The following NIPSNAP2 variants were observed in gnomAD, a reference collection of about 807,000 sequenced individuals.
NIPSNAP2 encodes the protein protein NipSnap homolog 2.
NIPSNAP2 carries 42 observed loss-of-function variants against 48.4 expected under a neutral mutation model. The ratio of observed to expected loss-of-function variants is 0.87; its 90% confidence interval spans 0.68 to 1.12. The LOEUF (loss-of-function observed/expected upper bound fraction) is 1.12. Among genes scored for constraint, NIPSNAP2 ranks in the 50% most tolerant of loss-of-function variants. The pLI is 0.00. For synonymous variants in NIPSNAP2, 158 were observed against 126.6 expected (o/e 1.25, Z -1.67); for missense variants, 314 against 347.3 (o/e 0.90, Z 0.76).
chr7:55,964,766 T>A, intron 1 of NIPSNAP2, 65 bp downstream of exon 1: 1 of 857,604 alleles, frequency 1.2e-6, no homozygotes, highest in Non-Finnish European at 1.5e-6. Flanking sequence ...AGGGCGCGGG[T>A]TTCCCGGCGC....
At chr7:55,989,430 G>A (rs1251375422) in intron 7 of NIPSNAP2, among the ~76,000 whole-genome samples, 2 of 152,134 alleles carry the variant, frequency 1.3e-5, no homozygotes, top group Admixed American at 1.3e-4. Context: ...GTCAAGACCA[G>A]CCTTGGCAAC....
intron 3 of NIPSNAP2, 88 bp from the exon 4 acceptor site, chr7:55,981,385 G>A: frequency 1.2e-6 from 1 of 826,732 alleles, no homozygotes; most frequent in East Asian, 2.5e-5. Flanking sequence ...CAGAGTAGGT[G>A]GTCTTTTTCC....
intron 9 of NIPSNAP2, among the ~76,000 whole-genome samples, chr7:55,997,904 C>T (rs147367910): frequency 3.2e-4 from 49 of 152,262 alleles, no homozygotes; most frequent in African/African-American, 1.1e-3. Flanking sequence ...ATAATACATG[C>T]ATGTGCACAT....
chr7:55,964,689 T>G lies in NIPSNAP2; in HGVS notation c.80T>G (p.Leu27Arg). ...LLQRAAPCSLLPRLRTWTSSS... is the reference protein window; with the variant it reads ...LLQRAAPCSLRPRLRTWTSSS... ...CAGCGGGCGGCCCCCTGCAGCCTCC[T>G]GCCCAGGCTCCGGTGAGCAGCGCCG... Residue 27 changes from leucine (L) to arginine (R), a missense_variant, in exon 1 of 10, where the codon CTG (leucine) becomes CGG (arginine). Around this residue, in one of 2 missense-constraint regions of NIPSNAP2, gnomAD observed 198 missense variants for 185.5 expected, o/e 1.07. Coordinates refer to ENST00000322090, the MANE Select transcript of NIPSNAP2 (RefSeq NM_001483.3). The G allele has an allele frequency of 8.9e-7, 1 of 1,122,040 alleles. No individual in the cohort carries two copies. The highest frequency in any genetic ancestry group is 1.1e-6 in the Non-Finnish European group (1 of 917,676). The allele number at this position is 1,122,040 out of a possible 1,614,324, so 69.5% of individuals were successfully genotyped here.
At chr7:55,984,012 G>A in intron 6 of NIPSNAP2, 144 bp downstream of exon 6, 1 of 328,552 alleles carries the variant, frequency 3.0e-6, no homozygotes, top group South Asian at 6.4e-5. Context: ...TTTAAGACTG[G>A]GTCTCACACT....
intron 1 of NIPSNAP2, 36 bp downstream of exon 1, chr7:55,964,737 A>G: frequency 1.9e-6 from 2 of 1,043,444 alleles, no homozygotes; most frequent in Non-Finnish European, 2.4e-6. Context: ...GGTGCCGGGG[A>G]GGGGCCGCCG....
intron 7 of NIPSNAP2, among the ~76,000 whole-genome samples, chr7:55,987,251 C>T (rs544813754): frequency 1.3e-5 from 2 of 152,260 alleles, no homozygotes; most frequent in Admixed American, 6.5e-5. Flanking sequence ...CAAAAAGATT[C>T]GCATACCCAT....
chr7:55,969,702 T>G lies in NIPSNAP2; in HGVS notation c.92+5001T>G, dbSNP rs1786974722. ...AGTCTGTAAATAACAGTGATCATAT[T>G]GCCGGGCGCGGTGGCTCACGCCTGT... On this transcript the variant is annotated intron_variant, in intron 1 of 9. Transcript: ENST00000322090. 1.3e-5 allele frequency among the ~76,000 whole-genome samples: 2 copies of G among 152,106 alleles called. 1 individual carries two copies. The highest frequency in any genetic ancestry group is 4.1e-4 in the South Asian group (2 of 4,834).
intron 3 of NIPSNAP2, 78 bp from the exon 4 acceptor site, chr7:55,981,395 C>T: frequency 1.1e-6 from 1 of 943,076 alleles, no homozygotes; most frequent in Admixed American, 1.8e-5. Context: ...GGTCTTTTTC[C>T]TGTTACTGAT....
In NIPSNAP2 at chr7:55,982,228, A is replaced by G. The variant is rs1212863829; in HGVS notation, c.392A>G (p.Glu131Gly). ...QDQAVHLWRY[E>G]GGYPALTEVM... Reference sequence around the variant, plus strand: ...ATTTCAGTCCACCTCTGGAGGTATGAAGGAGGCTATCCAGCCCTCACAGAA... The same window carrying G: ...ATTTCAGTCCACCTCTGGAGGTATGGAGGAGGCTATCCAGCCCTCACAGAA... The change falls in exon 5 of 10, where the codon GAA (glutamate) becomes GGA (glycine). Residue 131 changes from glutamate to glycine, a missense_variant. This residue lies in a region of NIPSNAP2 where 198 missense variants were observed against 185.5 expected (regional missense o/e 1.07). Coordinates refer to ENST00000322090, the MANE Select transcript of NIPSNAP2 (RefSeq NM_001483.3). The G allele has an allele frequency of 1.2e-6, 2 of 1,608,888 alleles. No homozygotes were observed. Among genetic ancestry groups the G allele is most frequent in the Non-Finnish European group, 1.7e-6 (2 of 1,175,510 alleles).
At chr7:55,982,309 A>G in intron 5 of NIPSNAP2, 29 bp downstream of exon 5, 4 of 1,271,766 alleles carry the variant, frequency 3.1e-6, no homozygotes, top group Non-Finnish European at 2.3e-6. Flanking sequence ...GTTTACTTAG[A>G]CTAATGATAT....
chr7:55,982,609 G>A (rs899147926), intron 5 of NIPSNAP2, among the ~76,000 whole-genome samples: 7 of 151,984 alleles, frequency 4.6e-5, no homozygotes, highest in Admixed American at 3.3e-4. Flanking sequence ...AAAATTAGCC[G>A]GGCTTGGTGG....
intron 1 of NIPSNAP2, among the ~76,000 whole-genome samples, chr7:55,973,626 C>T (rs1787054068): frequency 6.6e-6 from 1 of 151,578 alleles, no homozygotes; most frequent in South Asian, 2.1e-4. Flanking sequence ...AGGCGTGTGC[C>T]ACCACACCCA....
chr7:55,976,364 C>T (rs1038995400), intron 1 of NIPSNAP2, among the ~76,000 whole-genome samples: 3 of 152,164 alleles, frequency 2.0e-5, no homozygotes, highest in Non-Finnish European at 4.4e-5. Context: ...ATGGCCTATG[C>T]CAGGAGATAA....
chr7:55,969,338 C>A (rs1469236956), intron 1 of NIPSNAP2, among the ~76,000 whole-genome samples: 4 of 151,522 alleles, frequency 2.6e-5, no homozygotes, highest in African/African-American at 9.7e-5. Flanking sequence ...CCTCTTCTCT[C>A]CCCCGGGTCT....
chr7:55,997,554 A>C (rs1441936981), intron 9 of NIPSNAP2, 105 bp downstream of exon 9: 5 of 828,932 alleles, frequency 6.0e-6, no homozygotes, highest in Non-Finnish European at 1.0e-5. Context: ...TGTTGCTAGG[A>C]TAGTGAGTTA....
chr7:55,976,864 C>T (rs1241385702), intron 1 of NIPSNAP2, among the ~76,000 whole-genome samples: 2 of 152,056 alleles, frequency 1.3e-5, no homozygotes, highest in South Asian at 2.1e-4. Flanking sequence ...CACCACACAC[C>T]AGCCTGGGTG....
intron 7 of NIPSNAP2, among the ~76,000 whole-genome samples, chr7:55,987,839 A>G (rs1210034604): frequency 6.6e-6 from 1 of 152,236 alleles, no homozygotes; most frequent in Non-Finnish European, 1.5e-5. Context: ...TATTGAGTAT[A>G]GAGTTTCAGT....
intron 7 of NIPSNAP2, among the ~76,000 whole-genome samples, chr7:55,986,347 A>G (rs935882697): frequency 6.6e-6 from 1 of 151,916 alleles, no homozygotes; most frequent in Admixed American, 6.6e-5. Context: ...CCTGGGAGAG[A>G]ATAAGACCCT....
Sources: gnomAD v4.1 joint callset for allele counts (sites outside exome capture counted in the v4.1 genomes callset) on GRCh38, gnomAD v4.1.1 for gene constraint, gnomAD v4.1.1 regional missense constraint, MANE v1.5 for transcripts, NCBI Gene and HGNC (gene_info 2026-07-23, HGNC 2026-07-21) for gene names.